ACTB: variants seen among roughly 807,000 people sequenced by gnomAD.
ACTB encodes the protein actin beta.
In ACTB, 2 loss-of-function variants were observed where a neutral mutation model predicts 30.5. That is an observed-to-expected ratio of 0.07 (90% CI 0.03 to 0.21). ACTB has a LOEUF of 0.21. Ranked by LOEUF, ACTB falls within the 10% of genes least tolerant of loss-of-function variation. The probability of loss-of-function intolerance (pLI) is 1.00; values close to 1 mark genes in which losing one functional copy is unlikely to be tolerated. For synonymous variants in ACTB, 335 were observed against 217.6 expected (o/e 1.54, Z -4.75); for missense variants, 56 against 530.0 (o/e 0.11, Z 8.78).
At chr7:5,530,039 C>T (rs1030439400) in intron 1 of ACTB, 2 of 156,260 alleles carry the variant, frequency 1.3e-5, no homozygotes, top group South Asian at 4.0e-4. Flanking sequence ...CCCGCCTTCG[C>T]CCCAGCCCAG....
intron 1 of ACTB, 81 bp from the exon 2 acceptor site, chr7:5,529,744 C>T (rs1258892758): frequency 1.3e-6 from 2 of 1,597,726 alleles, no homozygotes; most frequent in Non-Finnish European, 1.7e-6. Flanking sequence ...CTTAGGCCGC[C>T]AGGGGGCGCC....
rs1391022540 is a variant in ACTB, at chr7:5,530,565, G to T, written c.-48C>A. 4 of 152,354 alleles carry T rather than the reference G, an allele frequency of 2.6e-5. No homozygotes were observed. Among genetic ancestry groups the T allele is most frequent in the Non-Finnish European group, 2.9e-5 (2 of 68,380 alleles). The allele number at this position is 152,354 out of a possible 1,614,324, so 9.4% of individuals were successfully genotyped here. A position where few individuals can be genotyped will look rare whatever the true frequency, so the allele number is the denominator to read the frequency against. On this transcript the variant is annotated 5_prime_UTR_variant, in exon 1 of 6. Transcript: ENST00000646664. ...ACGGGCGGCGGATCGGCAAAGGCGA[G>T]GCTCTGTGCTCGCGGGGCGGACGCG...
chr7:5,529,137 C>T, intron 3 of ACTB, 24 bp downstream of exon 3: 1 of 1,613,852 alleles, frequency 6.2e-7, no homozygotes, highest in Non-Finnish European at 8.5e-7. Flanking sequence ...AGGCGGCCAC[C>T]AGAAGAGGTA....
chr7:5,527,620 A>C lies in ACTB; in HGVS notation c.*128T>G. 2 of 1,380,266 alleles carry C rather than the reference A, an allele frequency of 1.4e-6. No individual in the cohort carries two copies. Among genetic ancestry groups the C allele is most frequent in the Non-Finnish European group, 1.0e-6 (1 of 1,000,660 alleles). 85.5% of individuals were successfully genotyped at this position (1,380,266 alleles called of 1,614,324 possible). On this transcript the variant is annotated 3_prime_UTR_variant, in exon 6 of 6. Coordinates refer to ENST00000646664, the MANE Select transcript of ACTB (RefSeq NM_001101.5). ...GTTCCAGTTTTTAAATCCTGAGTCA[A>C]GCCAAAAAAAAAAAAAAAACCAAAA...
intron 1 of ACTB, 120 bp from the exon 2 acceptor site, chr7:5,529,783 A>G (rs1784845576): frequency 2.0e-6 from 3 of 1,504,926 alleles, no homozygotes; most frequent in Non-Finnish European, 2.7e-6. Context: ...GGACAAAGGA[A>G]GCCGGGCCGG....
intron 2 of ACTB, 61 bp downstream of exon 2, chr7:5,529,474 G>A: frequency 6.2e-7 from 1 of 1,613,032 alleles, no homozygotes; most frequent in Non-Finnish European, 8.5e-7. Context: ...CTCCTGTGCA[G>A]AGAAAGCGCC....
Position 5,528,736 on chromosome 7 carries a change from C to CA in ACTB, c.364-18dup. 1 of 1,612,722 alleles carries CA rather than the reference C, an allele frequency of 6.2e-7. No individual in the cohort carries two copies. Among genetic ancestry groups the CA allele is most frequent in the Non-Finnish European group, 8.5e-7 (1 of 1,179,470 alleles). ...AAACATGATCTGTAAGGCAGAGATA[C>CA]ACCATGTCACACTGGGGAAGCCACT... On this transcript the variant is annotated splice_polypyrimidine_tract_variant and intron_variant, in intron 3 of 5. Coordinates refer to ENST00000646664, the MANE Select transcript of ACTB (RefSeq NM_001101.5).
chr7:5,527,511 A>T lies in ACTB; in HGVS notation c.*237T>A, dbSNP rs1332419197. 1.1e-4 allele frequency: 75 copies of T among 664,498 alleles called. No homozygotes were observed. Among genetic ancestry groups the T allele is most frequent in the Non-Finnish European group, 1.6e-4 (65 of 398,388 alleles). The allele number at this position is 664,498 out of a possible 1,614,324, so 41.2% of individuals were successfully genotyped here. On this transcript the variant is annotated 3_prime_UTR_variant, in exon 6 of 6. Transcript: ENST00000646664. ...CTCATATTTGGAATGACTATTAAAAAAACAACAATGTGCAATCAAAGTCCT... is the reference window on the plus strand; with the variant it reads ...CTCATATTTGGAATGACTATTAAAATAACAACAATGTGCAATCAAAGTCCT...
chr7:5,529,919 G>C (rs1389417345), intron 1 of ACTB: 2 of 427,624 alleles, frequency 4.7e-6, no homozygotes, highest in East Asian at 6.6e-5. Flanking sequence ...AAACAGCGCC[G>C]GGTCGGCGCG....
intron 3 of ACTB, 177 bp downstream of exon 3, chr7:5,528,984 G>C: frequency 6.3e-7 from 1 of 1,584,540 alleles, no homozygotes; most frequent in Non-Finnish European, 8.6e-7. Flanking sequence ...ACAAACACCA[G>C]AAAAAGAGCT....
In ACTB at chr7:5,528,194, G is replaced by C. The variant is rs367990633; in HGVS notation, c.803-9C>G. 3.1e-6 allele frequency: 5 copies of C among 1,613,786 alleles called. No individual in the cohort carries two copies. Among genetic ancestry groups the C allele is most frequent in the African/African-American group, 1.3e-5 (1 of 74,928 alleles). On this transcript the variant is annotated splice_polypyrimidine_tract_variant and intron_variant, in intron 4 of 5. Transcript: ENST00000646664. ...GCCACAGGACTCCATGCCTGAGAGG[G>C]AAATGAGGGCAGGACTTAGCTTCCA...
intron 2 of ACTB, 39 bp downstream of exon 2, chr7:5,529,496 C>G: frequency 6.2e-7 from 1 of 1,612,272 alleles, no homozygotes; most frequent in Non-Finnish European, 8.5e-7. Context: ...TTGCCTCCCG[C>G]CCGCTCCCGG....
At position 5,527,823 on chromosome 7, in the gene ACTB, G is replaced by A. The variant is rs1784797975; in HGVS notation, c.1053C>T (p.Thr351=). 1 of 1,614,050 alleles carries A rather than the reference G, an allele frequency of 6.2e-7. No homozygotes were observed. The highest frequency in any genetic ancestry group is 2.2e-5 in the East Asian group (1 of 44,888). The stretch of plus-strand genomic sequence containing the variant: ...GCTTGCTGATCCACATCTGCTGGAA[G>A]GTGGACAGCGAGGCCAGGATGGAGC... ...IGGSILASLS[T]FQQMWISKQE... The change falls in exon 6 of 6, where the codon ACC becomes ACT. Residue 351 remains threonine, a synonymous_variant. Transcript: ENST00000646664.
rs1190076386 is a variant in ACTB at position 5,527,333 on chromosome 7, A to C, written c.*415T>G. 1 of 266,722 alleles carries C rather than the reference A, an allele frequency of 3.7e-6. No homozygotes were observed. The highest frequency in any genetic ancestry group is 2.3e-5 in the African/African-American group (1 of 43,238). 16.5% of individuals were successfully genotyped at this position (266,722 alleles called of 1,614,324 possible). A position where few individuals can be genotyped will look rare whatever the true frequency, so the allele number is the denominator to read the frequency against. ...AATAAAACAAAATAAAAAAGTATTAAGGCGAAGATTAAAAAAATTTTGCAT... is the reference window on the plus strand; with the variant it reads ...AATAAAACAAAATAAAAAAGTATTACGGCGAAGATTAAAAAAATTTTGCAT... On this transcript the variant is annotated 3_prime_UTR_variant, in exon 6 of 6. Transcript: ENST00000646664.
intron 1 of ACTB, among the ~76,000 whole-genome samples, chr7:5,530,224 C>T (rs956110272): frequency 3.3e-5 from 5 of 151,990 alleles, no homozygotes; most frequent in African/African-American, 1.2e-4. Flanking sequence ...GCCGCGCCCA[C>T]CCTGCGATCC....
At chr7:5,529,870 C>T in intron 1 of ACTB, 1 of 829,960 alleles carries the variant, frequency 1.2e-6, no homozygotes, top group Non-Finnish European at 2.0e-6. Context: ...GGCCCCAACC[C>T]CCTCCCAACC....
Position 5,528,534 on chromosome 7 carries a change from C to G in ACTB, c.549G>C (p.Arg183=). 6.2e-7 allele frequency: 1 copy of G among 1,614,028 alleles called. No individual in the cohort carries two copies. The highest frequency in any genetic ancestry group is 1.1e-5 in the South Asian group (1 of 91,086). The change falls in exon 4 of 6, where the codon CGG becomes CGC. Residue 183 remains arginine, a synonymous_variant. Transcript: ENST00000646664. ...HAILRLDLAG[R]DLTDYLMKIL... is the part of the protein sequence containing the mutation. ...TCTTCATGAGGTAGTCAGTCAGGTC[C>G]CGGCCAGCCAGGTCCAGACGCAGGA... is the stretch of plus-strand genomic sequence containing the variant.
intron 1 of ACTB, among the ~76,000 whole-genome samples, chr7:5,530,265 C>T (rs1442963794): frequency 2.6e-5 from 4 of 152,074 alleles, no homozygotes; most frequent in Middle Eastern, 3.4e-3. Context: ...CAGACAAAGA[C>T]CCCGCCGGTT....
rs13447404 is a variant in ACTB, at chr7:5,528,757, C to A, written c.364-38G>T. 415 of 1,607,172 alleles carry A rather than the reference C, an allele frequency of 2.6e-4. 1 individual carries two copies. The African/African-American group carries it at 4.7e-3, about 18-fold the overall frequency. ...GATACACCATGTCACACTGGGGAAGCCACTGGGGACAGCCAGGCCAGACGG... is the reference window on the plus strand; with the variant it reads ...GATACACCATGTCACACTGGGGAAGACACTGGGGACAGCCAGGCCAGACGG... On this transcript the variant is annotated intron_variant, in intron 3 of 5. Transcript: ENST00000646664.
Sources: gnomAD v4.1 joint callset for allele counts (sites outside exome capture counted in the v4.1 genomes callset) on GRCh38, gnomAD v4.1.1 for gene constraint, MANE v1.5 for transcripts, NCBI Gene and HGNC (gene_info 2026-07-23, HGNC 2026-07-21) for gene names.